The following RIC8B variants were observed in gnomAD, a reference collection of about 807,000 sequenced individuals.
The protein encoded by RIC8B is RIC8 guanine nucleotide exchange factor B.
In RIC8B, 16 loss-of-function variants were observed where a neutral mutation model predicts 57.5. That is an observed-to-expected ratio of 0.28 (90% CI 0.19 to 0.42). The LOEUF (loss-of-function observed/expected upper bound fraction) is 0.42, where lower values mean the gene tolerates loss of function less well. Ranked by LOEUF, RIC8B falls within the 10% of genes least tolerant of loss-of-function variation. The probability of loss-of-function intolerance (pLI) is 1.00; values close to 1 mark genes in which losing one functional copy is unlikely to be tolerated. For synonymous variants in RIC8B, 216 were observed against 250.8 expected (o/e 0.86, Z 1.31); for missense variants, 481 against 677.0 (o/e 0.71, Z 3.21).
At chr12:106,876,805 A>ATTCT (rs1199675560) in intron 9 of RIC8B, among the ~76,000 whole-genome samples, 1 of 152,122 alleles carries the variant, frequency 6.6e-6, no homozygotes, top group African/African-American at 2.4e-5. Flanking sequence ...AGTTCTCCTC[A>ATTCT]TTCTTTAACT....
Position 106,853,453 on chromosome 12 carries a change from C to CTTTTTTTTTTTTTTTTTTTTTTT in RIC8B, c.1306+1870_1306+1892dup, listed in dbSNP as rs758876525. Among the ~76,000 whole-genome samples the CTTTTTTTTTTTTTTTTTTTTTTT allele has an allele frequency of 3.7e-4, 14 of 38,036 alleles. 3 individuals are homozygous for CTTTTTTTTTTTTTTTTTTTTTTT. Among genetic ancestry groups the CTTTTTTTTTTTTTTTTTTTTTTT allele is most frequent in the East Asian group, 2.4e-3 (2 of 834 alleles). 25.0% of individuals were successfully genotyped at this position (38,036 alleles called of 152,430 possible). ...GACCTCAACAATTCTGCTTTATAGT[C>CTTTTTTTTTTTTTTTTTTTTTTT]TTTTTTTTTTTTTTTTTTTTTTTTT... On this transcript the variant is annotated intron_variant, in intron 7 of 9. Coordinates refer to ENST00000392837, the MANE Select transcript of RIC8B (RefSeq NM_001330145.2).
chr12:106,882,435 C>T (rs1037200620), intron 9 of RIC8B, among the ~76,000 whole-genome samples: 15 of 152,122 alleles, frequency 9.9e-5, no homozygotes, highest in African/African-American at 7.2e-5. Flanking sequence ...ACAATAACAA[C>T]GAATATTTGT....
At chr12:106,790,616 C>T (rs1459000892) in intron 2 of RIC8B, among the ~76,000 whole-genome samples, 1 of 152,068 alleles carries the variant, frequency 6.6e-6, no homozygotes, top group Non-Finnish European at 1.5e-5. Context: ...TCTGAAAATT[C>T]ACATGTTGAG....
chr12:106,859,700 A>G (rs927048340), intron 7 of RIC8B, among the ~76,000 whole-genome samples: 1 of 152,122 alleles, frequency 6.6e-6, no homozygotes, highest in Non-Finnish European at 1.5e-5. Flanking sequence ...TCCTGGGTCT[A>G]CCTTCGTAAT....
chr12:106,847,626 C>A (rs1465251542), intron 6 of RIC8B, among the ~76,000 whole-genome samples: 2 of 152,016 alleles, frequency 1.3e-5, no homozygotes, highest in Non-Finnish European at 2.9e-5. Context: ...GCTGTGTCTC[C>A]CCTGCCTCTG....
chr12:106,842,212 A>G (rs1410058503), intron 4 of RIC8B, among the ~76,000 whole-genome samples: 2 of 152,198 alleles, frequency 1.3e-5, no homozygotes, highest in East Asian at 3.8e-4. Flanking sequence ...GGAATAATAA[A>G]ACACCAGTGG....
intron 5 of RIC8B, 124 bp from the exon 6 acceptor site, chr12:106,843,728 A>C: frequency 2.0e-6 from 1 of 491,418 alleles, no homozygotes; most frequent in Non-Finnish European, 3.3e-6. Context: ...TCTCCCAAAA[A>C]AAAAAAAAAA....
At chr12:106,819,145 T>G (rs1474435433) in intron 3 of RIC8B, among the ~76,000 whole-genome samples, 1 of 152,172 alleles carries the variant, frequency 6.6e-6, no homozygotes, top group Non-Finnish European at 1.5e-5. Flanking sequence ...ATGCAGTCAT[T>G]TAATAATCTT....
At chr12:106,846,819 C>A (rs1181642203) in intron 6 of RIC8B, among the ~76,000 whole-genome samples, 1 of 151,692 alleles carries the variant, frequency 6.6e-6, no homozygotes, top group Non-Finnish European at 1.5e-5. Flanking sequence ...GACCCACTGT[C>A]TGTCTTCAAG....
chr12:106,793,075 G>A (rs1456918499), intron 2 of RIC8B, among the ~76,000 whole-genome samples: 1 of 152,124 alleles, frequency 6.6e-6, no homozygotes, highest in African/African-American at 2.4e-5. Context: ...CTTCCATTCT[G>A]CCCTTCCTCA....
At chr12:106,878,847 T>C in intron 9 of RIC8B, 1 of 301,172 alleles carries the variant, frequency 3.3e-6, no homozygotes, top group Non-Finnish European at 4.9e-6. Context: ...TCTTCTTTTC[T>C]AATCATAGAA....
At chr12:106,881,204 C>T (rs1194665824) in intron 9 of RIC8B, among the ~76,000 whole-genome samples, 4 of 151,280 alleles carry the variant, frequency 2.6e-5, no homozygotes, top group Non-Finnish European at 5.9e-5. Context: ...TTTTTAATAT[C>T]CTTAGAAGTT....
At chr12:106,809,292 G>GGT (rs1406482261) in intron 2 of RIC8B, among the ~76,000 whole-genome samples, 7 of 152,148 alleles carry the variant, frequency 4.6e-5, no homozygotes, top group African/African-American at 7.2e-5. Context: ...GGGAGGCCGA[G>GGT]GTGGGAGGAT....
chr12:106,823,800 T>G (rs934653198), intron 3 of RIC8B, among the ~76,000 whole-genome samples: 1 of 152,040 alleles, frequency 6.6e-6, no homozygotes, highest in East Asian at 1.9e-4. Flanking sequence ...TTCTCCTGCC[T>G]CAGCCTCCCG....
intron 2 of RIC8B, among the ~76,000 whole-genome samples, chr12:106,813,460 G>A (rs2045431203): frequency 1.3e-5 from 2 of 152,248 alleles, no homozygotes; most frequent in South Asian, 2.1e-4. Context: ...GAAGTGCTGG[G>A]ATTACAGGCG....
At chr12:106,807,515 A>G (rs988299218) in intron 2 of RIC8B, among the ~76,000 whole-genome samples, 1 of 152,154 alleles carries the variant, frequency 6.6e-6, no homozygotes, top group Admixed American at 6.5e-5. Context: ...AGTCATACCC[A>G]CTGTCTTCAA....
In RIC8B at chr12:106,843,801, T is replaced by C. The variant is rs563166658; in HGVS notation, c.1066-51T>C. 4 of 1,357,882 alleles carry C rather than the reference T, an allele frequency of 2.9e-6. No homozygotes were observed. In the East Asian group the frequency reaches 9.2e-5, roughly 31 times the overall value. The allele number at this position is 1,357,882 out of a possible 1,614,324, so 84.1% of individuals were successfully genotyped here. Reference sequence around the variant, plus strand: ...AGTTACATGAAGGAAAGTAATACTGTTAGAAACAAAACTAACGTATTTCAA... The same window carrying C: ...AGTTACATGAAGGAAAGTAATACTGCTAGAAACAAAACTAACGTATTTCAA... On this transcript the variant is annotated intron_variant, in intron 5 of 9. Transcript: ENST00000392837.
chr12:106,884,216 C>T (rs1425707811), intron 9 of RIC8B, among the ~76,000 whole-genome samples: 1 of 152,212 alleles, frequency 6.6e-6, no homozygotes, highest in Non-Finnish European at 1.5e-5. Context: ...GCATTTACCT[C>T]ATTCTGCTCA....
intron 4 of RIC8B, among the ~76,000 whole-genome samples, chr12:106,837,347 G>C (rs1397715496): frequency 6.6e-6 from 1 of 151,556 alleles, no homozygotes; most frequent in Non-Finnish European, 1.5e-5. Context: ...GGGCGACAGA[G>C]CAAGACTGTT....
Sources: gnomAD v4.1 joint callset for allele counts (sites outside exome capture counted in the v4.1 genomes callset) on GRCh38, gnomAD v4.1.1 for gene constraint, MANE v1.5 for transcripts, NCBI Gene and HGNC (gene_info 2026-07-23, HGNC 2026-07-21) for gene names.